SUN1: variants seen among roughly 807,000 people sequenced by gnomAD.
SUN1 encodes SUN domain-containing protein 1.
In SUN1, 61 loss-of-function variants were observed where a neutral mutation model predicts 103.2. That is an observed-to-expected ratio of 0.59 (90% CI 0.48 to 0.73). The LOEUF (loss-of-function observed/expected upper bound fraction) is 0.73. Ranked by LOEUF, SUN1 falls within the 30% of genes least tolerant of loss-of-function variation. SUN1 has a pLI of 0.00. For missense variants in SUN1, 1,052 were observed against 1,034.6 expected (o/e 1.02, Z -0.23); for synonymous variants, 490 against 425.7 (o/e 1.15, Z -1.86).
intron 2 of SUN1, among the ~76,000 whole-genome samples, chr7:840,587 G>C (rs1380772761): frequency 6.6e-6 from 1 of 150,660 alleles, no homozygotes; most frequent in Non-Finnish European, 1.5e-5. Flanking sequence ...TGGCTTTCCT[G>C]TTGTCATTTG....
intron 5 of SUN1, among the ~76,000 whole-genome samples, chr7:844,253 C>T (rs546600905): frequency 6.6e-6 from 1 of 152,354 alleles, no homozygotes; most frequent in East Asian, 1.9e-4. Flanking sequence ...TCTCTCTCAC[C>T]TGCAGCAGGA....
At chr7:838,320 CT>C (rs1243702760) in intron 1 of SUN1, among the ~76,000 whole-genome samples, 1 of 152,212 alleles carries the variant, frequency 6.6e-6, no homozygotes, top group Admixed American at 6.5e-5. Context: ...TGTCTGAAGC[CT>C]TTAGATAAAT....
chr7:834,814 G>A (rs1379303670), intron 1 of SUN1, among the ~76,000 whole-genome samples: 3 of 152,108 alleles, frequency 2.0e-5, no homozygotes, highest in African/African-American at 4.8e-5. Context: ...AGTGGCTCAC[G>A]CCTGTAATCC....
rs568352848 is a variant in SUN1 at position 860,177 on chromosome 7, A to C, written c.1574A>C (p.Gln525Pro). ...GTGAAACTCCTGTTTTCCGAAGATCAGCAAGGCGGTTCTCTGGAACAGCTG... is the reference window on the plus strand; with the variant it reads ...GTGAAACTCCTGTTTTCCGAAGATCCGCAAGGCGGTTCTCTGGAACAGCTG... ...EMVKLLFSED[Q>P]QGGSLEQLLQ... The change falls in exon 14 of 19, where the codon CAG becomes CCG. Residue 525 changes from glutamine to proline, a missense_variant. Gln to Pro is a moderately conservative substitution (Grantham distance 76). Coordinates refer to ENST00000401592, the MANE Select transcript of SUN1 (RefSeq NM_001130965.3). 15 of 1,614,250 alleles carry C rather than the reference A, an allele frequency of 9.3e-6. No homozygotes were observed. In the African/African-American group the frequency reaches 1.5e-4, roughly 16 times the overall value.
chr7:855,781 G>T (rs765159297), intron 11 of SUN1, among the ~76,000 whole-genome samples: 2 of 151,956 alleles, frequency 1.3e-5, no homozygotes, highest in African/African-American at 2.4e-5. Context: ...AGGTCTGTGG[G>T]GCGCCTCCTC....
Position 873,295 on chromosome 7 carries a change from G to C in SUN1, c.2322G>C (p.Leu774=), listed in dbSNP as rs767027264. The C allele has an allele frequency of 1.2e-6, 2 of 1,614,124 alleles. No homozygotes were observed. Among genetic ancestry groups the C allele is most frequent in the Non-Finnish European group, 8.5e-7 (1 of 1,180,052 alleles). ...GGGGCCATCCTGAGTATACCTGTCT[G>C]TATCGGTTCAGAGTTCATGGCGAAC... ...SNWGHPEYTC[L]YRFRVHGEPV... Residue 774 remains leucine, a synonymous_variant, in exon 19 of 19, where the codon CTG becomes CTC. Transcript: ENST00000401592.
chr7:869,378 A>G lies in SUN1; in HGVS notation c.2010A>G (p.Ala670=), dbSNP rs765841616. ...ACATTTACCCCGGTAACTGCTGGGC[A>G]TTTAAAGGCTCCCAGGGGTACCTGG... ...QPDIYPGNCW[A]FKGSQGYLVV... The change falls in exon 17 of 19, where the codon GCA becomes GCG. Residue 670 remains alanine (A), a synonymous_variant. Coordinates refer to ENST00000401592, the MANE Select transcript of SUN1 (RefSeq NM_001130965.3). 16 of 1,613,646 alleles carry G rather than the reference A, an allele frequency of 9.9e-6. No homozygotes were observed. Among genetic ancestry groups the G allele is most frequent in the African/African-American group, 4.0e-5 (3 of 74,850 alleles).
intron 1 of SUN1, among the ~76,000 whole-genome samples, chr7:822,757 C>T (rs1037322018): frequency 1.3e-5 from 2 of 152,210 alleles, no homozygotes; most frequent in Non-Finnish European, 2.9e-5. Context: ...TTGACAATTA[C>T]TGTTGGGAAT....
chr7:842,832 T>G (rs1811500527), intron 3 of SUN1: 1 of 375,218 alleles, frequency 2.7e-6, no homozygotes, highest in South Asian at 3.4e-5. Context: ...TGTTCTGTTT[T>G]GCTCAGCTAG....
chr7:847,199 C>T (rs1459066169), intron 5 of SUN1, among the ~76,000 whole-genome samples: 4 of 152,154 alleles, frequency 2.6e-5, no homozygotes, highest in African/African-American at 7.2e-5. Flanking sequence ...ATTGCTAGTG[C>T]GCCAGCGGAG....
Position 861,422 on chromosome 7 carries a change from C to G in SUN1, c.1822C>G (p.Gln608Glu). Reference protein sequence around the residue: ...IVNSALKLYSQDKTGMVDFAL... With the variant: ...IVNSALKLYSEDKTGMVDFAL... ...GAACAGCGCCTTGAAGCTGTATTCC[C>G]AAGATAAGACCGGGATGGTGGACTT... The change falls in exon 15 of 19, where the codon CAA (glutamine) becomes GAA (glutamate). Residue 608 changes from glutamine (Q) to glutamate (E), a missense_variant. Coordinates refer to ENST00000401592, the MANE Select transcript of SUN1 (RefSeq NM_001130965.3). 1 of 1,614,178 alleles carries G rather than the reference C, an allele frequency of 6.2e-7. No individual in the cohort carries two copies. The highest frequency in any genetic ancestry group is 8.5e-7 in the Non-Finnish European group (1 of 1,180,038).
intron 17 of SUN1, 54 bp from the exon 18 acceptor site, chr7:872,416 C>G: frequency 6.8e-7 from 1 of 1,461,630 alleles, no homozygotes; most frequent in Non-Finnish European, 9.4e-7. Context: ...ACGGTCCTCT[C>G]TGCTCAGTGT....
In SUN1 at chr7:842,988, C is replaced by T. The variant is rs1281927389; in HGVS notation, c.452-218C>T. On this transcript the variant is annotated intron_variant, in intron 3 of 18. Coordinates refer to ENST00000401592, the MANE Select transcript of SUN1 (RefSeq NM_001130965.3). The stretch of plus-strand genomic sequence containing the variant: ...TTAGGCCAGGTGCTGTGTGTGCTGC[C>T]GTCTGTCTGTATTTTCTTCAAGGAT... 3.0e-5 allele frequency: 20 copies of T among 670,426 alleles called. No individual in the cohort carries two copies. The East Asian group carries it at 3.3e-4, about 11-fold the overall frequency. The allele number at this position is 670,426 out of a possible 1,614,324, so 41.5% of individuals were successfully genotyped here.
rs532455977 is a variant in SUN1 at position 819,744 on chromosome 7, T to C, written c.-74+3071T>C. ...TTTTTTTTGAGATGGAATCTTGCCC[T>C]GTCGCCCAGGCTGGAGTGCAGTGGC... On this transcript the variant is annotated intron_variant, in intron 1 of 17. Transcript: ENST00000389574. Among the ~76,000 whole-genome samples the C allele has an allele frequency of 2.1e-5, 3 of 141,976 alleles. No homozygotes were observed. In the Admixed American group the frequency reaches 2.2e-4, roughly 10 times the overall value. The allele number at this position is 141,976 out of a possible 152,430, so 93.1% of individuals were successfully genotyped here.
chr7:840,773 C>A (rs1808854580), intron 2 of SUN1, among the ~76,000 whole-genome samples: 1 of 151,660 alleles, frequency 6.6e-6, no homozygotes, highest in Admixed American at 6.6e-5. Context: ...TCCCGAGTAG[C>A]TGGGACTACA....
intron 14 of SUN1, 36 bp from the exon 15 acceptor site, chr7:861,344 C>A: frequency 6.2e-7 from 1 of 1,611,054 alleles, no homozygotes; most frequent in South Asian, 1.1e-5. Flanking sequence ...CTCTCCTGTT[C>A]TGGTGTTTGG....
chr7:872,824 C>T (rs1012523750), intron 18 of SUN1, among the ~76,000 whole-genome samples: 11 of 152,216 alleles, frequency 7.2e-5, no homozygotes, highest in Non-Finnish European at 1.5e-4. Context: ...CGTGGTGGCT[C>T]ACGTCTGTAA....
chr7:832,877 T>C (rs1799272851), intron 1 of SUN1: 1 of 437,812 alleles, frequency 2.3e-6, no homozygotes, highest in South Asian at 3.4e-5. Flanking sequence ...GTTGAGAAGA[T>C]GTCTCTGTGG....
chr7:839,716 CT>C (rs1807286392), intron 2 of SUN1, among the ~76,000 whole-genome samples: 1 of 113,786 alleles, frequency 8.8e-6, no homozygotes, highest in Admixed American at 9.0e-5. Context: ...CCACGCCCAG[CT>C]AATTTTTGTA....
Sources: gnomAD v4.1 joint callset for allele counts (sites outside exome capture counted in the v4.1 genomes callset) on GRCh38, gnomAD v4.1.1 for gene constraint, MANE v1.5 for transcripts, NCBI Gene and HGNC (gene_info 2026-07-23, HGNC 2026-07-21) for gene names.